PCDHGA8: variants seen among roughly 807,000 people sequenced by gnomAD.
PCDHGA8 encodes the protein protocadherin gamma subfamily A, 8, also known as protocadherin gamma-A8.
In PCDHGA8, 45 loss-of-function variants were observed where a neutral mutation model predicts 59.2. The ratio of observed to expected loss-of-function variants is 0.76; its 90% CI spans 0.60 to 0.98. The LOEUF is 0.98. Among genes scored for constraint, PCDHGA8 ranks in the 50% least tolerant of loss-of-function variants. The pLI, the probability that PCDHGA8 is intolerant of heterozygous loss-of-function variation, is 0.00. For synonymous variants in PCDHGA8, 531 were observed against 519.0 expected (o/e 1.02, Z -0.32); for missense variants, 1,257 against 1,196.2 (o/e 1.05, Z -0.75).
chr5:141,462,122 C>T (rs1437400069), intron 1 of PCDHGA8, among the ~76,000 whole-genome samples: 1 of 152,044 alleles, frequency 6.6e-6, no homozygotes, highest in South Asian at 2.1e-4. Context: ...TGCACCCAGT[C>T]CAATTTTTTG....
intron 1 of PCDHGA8, chr5:141,478,450 AGCCAGTCCACTGGCCAGCC>A (rs1562070520): frequency 6.2e-7 from 1 of 1,613,572 alleles, no homozygotes. Context: ...AACCTGGTGC[AGCCAGTCCACTGGCCAGCC>A]GCCAGAACAC....
intron 1 of PCDHGA8, chr5:141,419,146 GCCT>G: frequency 6.2e-7 from 1 of 1,613,922 alleles, no homozygotes; most frequent in East Asian, 2.2e-5. Context: ...ACAGGGGCAA[GCCT>G]CCGTTATCCT....
intron 1 of PCDHGA8, chr5:141,478,812 A>C: frequency 1.4e-6 from 2 of 1,453,554 alleles, no homozygotes; most frequent in Non-Finnish European, 1.8e-6. Context: ...TTGCTATCAC[A>C]ACTAACCAAT....
chr5:141,470,113 A>C (rs1209326739), intron 1 of PCDHGA8, among the ~76,000 whole-genome samples: 1 of 152,126 alleles, frequency 6.6e-6, no homozygotes, highest in Non-Finnish European at 1.5e-5. Context: ...TGAGCAACAG[A>C]GCAAGACTTC....
At chr5:141,399,720 C>G (rs1217371004) in intron 1 of PCDHGA8, 2 of 1,613,306 alleles carry the variant, frequency 1.2e-6, no homozygotes, top group South Asian at 2.2e-5. Context: ...TACAGGCCCG[C>G]GACCAGGGCT....
chr5:141,486,505 T>C lies in PCDHGA8; in HGVS notation c.2425-8302T>C. The C allele has an allele frequency of 6.2e-7, 1 of 1,614,156 alleles. No individual in the cohort carries two copies. ...GTACCCACAGAACTATTTTCCTCAA[T>C]ATTTCAGATGTGAATGATAATCCAC... is the stretch of plus-strand genomic sequence containing the variant. On this transcript the variant is annotated intron_variant, in intron 1 of 3. Coordinates refer to ENST00000398604, the MANE Select transcript of PCDHGA8 (RefSeq NM_032088.2). The surrounding 1 kb of genome is among the most constrained non-coding windows in gnomAD (Gnocchi z 5.0).
intron 1 of PCDHGA8, among the ~76,000 whole-genome samples, chr5:141,454,796 A>ATTTTTTTTTTTTTTTTTTTTTTTTTTT (rs61612330): frequency 3.9e-5 from 3 of 77,408 alleles, no homozygotes; most frequent in Admixed American, 1.8e-4. Flanking sequence ...CATGGTTCTA[A>ATTTTTTTTTTTTTTTTTTTTTTTTTTT]TTTTTTTTTT....
chr5:141,476,306 C>T lies in PCDHGA8; in HGVS notation c.2425-18501C>T, dbSNP rs1011265476. The T allele has an allele frequency of 1.2e-6, 2 of 1,613,464 alleles. No homozygotes were observed. Among genetic ancestry groups the T allele is most frequent in the African/African-American group, 2.7e-5 (2 of 74,688 alleles). On this transcript the variant is annotated intron_variant, in intron 1 of 3. Transcript: ENST00000398604. The surrounding 1 kb of genome is among the most constrained non-coding windows in gnomAD (Gnocchi z 7.6). ...TTTGGATCTCGGTAGCCTCTCAGCCCGCAGGTTCCGGGTGGTGTCTGGAGC... is the reference window on the plus strand; with the variant it reads ...TTTGGATCTCGGTAGCCTCTCAGCCTGCAGGTTCCGGGTGGTGTCTGGAGC...
chr5:141,422,028 A>C, intron 1 of PCDHGA8: 1 of 1,611,196 alleles, frequency 6.2e-7, no homozygotes, highest in Non-Finnish European at 8.5e-7. Flanking sequence ...TGGTTAATGC[A>C]ACGGATCCAG....
At chr5:141,408,929 A>G in intron 1 of PCDHGA8, 1 of 1,613,518 alleles carries the variant, frequency 6.2e-7, no homozygotes, top group Non-Finnish European at 8.5e-7. Context: ...CCCGGTTTTC[A>G]GCAGAGACGA....
At chr5:141,428,750 C>G (rs1282306626) in intron 1 of PCDHGA8, 1 of 154,730 alleles carries the variant, frequency 6.5e-6, no homozygotes, top group African/African-American at 2.4e-5. Flanking sequence ...ACTATTGCTT[C>G]AGGTTTGTTT....
intron 1 of PCDHGA8, chr5:141,419,396 G>A (rs772000806): frequency 3.7e-6 from 6 of 1,613,600 alleles, no homozygotes; most frequent in Admixed American, 1.7e-5. Flanking sequence ...GCAGAGCGGG[G>A]TGGTGTTCGC....
intron 1 of PCDHGA8, among the ~76,000 whole-genome samples, chr5:141,433,449 T>C (rs2097611087): frequency 6.6e-6 from 1 of 152,068 alleles, no homozygotes; most frequent in Non-Finnish European, 1.5e-5. Context: ...TTGAGCAGGC[T>C]GATCTGAAAC....
intron 2 of PCDHGA8, 107 bp from the exon 3 acceptor site, chr5:141,505,286 A>T: frequency 3.2e-6 from 5 of 1,551,278 alleles, no homozygotes; most frequent in Non-Finnish European, 4.4e-6. Flanking sequence ...GGTCTTGGGC[A>T]TGGGGTAGGG....
At position 141,476,290 on chromosome 5, in the gene PCDHGA8, C is replaced by T. The variant is rs768208156; in HGVS notation, c.2425-18517C>T. ...TGGTCGCGAACCTTGGTTTGGATCT[C>T]GGTAGCCTCTCAGCCCGCAGGTTCC... On this transcript the variant is annotated intron_variant, in intron 1 of 3. Coordinates refer to ENST00000398604, the MANE Select transcript of PCDHGA8 (RefSeq NM_032088.2). The surrounding 1 kb of genome is among the most constrained non-coding windows in gnomAD (Gnocchi z 7.6). 1.7e-5 allele frequency: 27 copies of T among 1,613,932 alleles called. No individual in the cohort carries two copies. Among genetic ancestry groups the T allele is most frequent in the Non-Finnish European group, 2.3e-5 (27 of 1,180,018 alleles).
chr5:141,501,335 C>CA (rs2099808433), intron 2 of PCDHGA8, among the ~76,000 whole-genome samples: 1 of 135,634 alleles, frequency 7.4e-6, no homozygotes, highest in Non-Finnish European at 1.6e-5. Context: ...ACACACACAC[C>CA]CCAAACTCAA....
chr5:141,511,304 CTTGGGAAA>C lies in PCDHGA8; in HGVS notation c.*132_*139del. ...TGGTAGGGGCCAAGGCCATGCTCCC[CTTGGGAAA>C]CAGAAACAAGTGCCCAGTCAGCACC... is the stretch of plus-strand genomic sequence containing the variant. On this transcript the variant is annotated 3_prime_UTR_variant, in exon 4 of 4. Transcript: ENST00000398604. The C allele has an allele frequency of 2.0e-6, 3 of 1,490,438 alleles. No individual in the cohort carries two copies. The South Asian group carries it at 4.0e-5, about 20-fold the overall frequency. 92.3% of individuals were successfully genotyped at this position (1,490,438 alleles called of 1,614,324 possible). A position where few individuals can be genotyped will look rare whatever the true frequency, so the allele number is the denominator to read the frequency against.
At chr5:141,422,374 G>A (rs1268014814) in intron 1 of PCDHGA8, 1 of 1,570,452 alleles carries the variant, frequency 6.4e-7, no homozygotes, top group Non-Finnish European at 8.6e-7. Flanking sequence ...AAATGGTCAA[G>A]TCTCCTGTTT....
intron 1 of PCDHGA8, chr5:141,478,544 C>G (rs1371505487): frequency 6.2e-7 from 1 of 1,605,660 alleles, no homozygotes; most frequent in Admixed American, 1.7e-5. Flanking sequence ...CCCTCCCGGA[C>G]AGGTAAGGTT....
Sources: gnomAD v4.1 joint callset for allele counts (sites outside exome capture counted in the v4.1 genomes callset) on GRCh38, gnomAD v4.1.1 for gene constraint, Gnocchi (gnomAD v3.1) non-coding constraint, MANE v1.5 for transcripts, NCBI Gene and HGNC (gene_info 2026-07-23, HGNC 2026-07-21) for gene names.